TFEC: variants seen among roughly 807,000 people sequenced by gnomAD.
TFEC encodes the protein class E basic helix-loop-helix protein 34.
TFEC carries 31 observed loss-of-function variants against 41.6 expected under a neutral mutation model. The observed-to-expected ratio is 0.74, with a 90% CI of 0.56 to 1.01. The LOEUF (loss-of-function observed/expected upper bound fraction) is 1.01, where lower values mean the gene tolerates loss of function less well. TFEC is among the 50% of genes least tolerant of loss of function. The pLI is 0.00. For synonymous variants in TFEC, 143 were observed against 140.6 expected, an observed-to-expected ratio of 1.02 and a Z score of -0.12; for missense variants, 402 against 404.1, an observed-to-expected ratio of 0.99 and a Z score of 0.04.
intron 1 of TFEC, among the ~76,000 whole-genome samples, chr7:116,133,515 G>A (rs1398515130): frequency 6.6e-6 from 1 of 150,438 alleles, no homozygotes; most frequent in African/African-American, 2.5e-5. Context: ...CAGCCTGGGT[G>A]ACAGAACAAG....
At chr7:115,976,323 G>A (rs181399207) in intron 2 of TFEC, among the ~76,000 whole-genome samples, 49 of 152,240 alleles carry the variant, frequency 3.2e-4, no homozygotes, top group African/African-American at 1.1e-3. Context: ...TACTTGGGAG[G>A]CTGAGGTGGG....
At chr7:116,085,434 T>G (rs1024016459) in intron 3 of TFEC, among the ~76,000 whole-genome samples, 2 of 151,828 alleles carry the variant, frequency 1.3e-5, no homozygotes, top group African/African-American at 4.8e-5. Context: ...GAGAGTTCTT[T>G]GCACATACCC....
intron 1 of TFEC, among the ~76,000 whole-genome samples, chr7:116,012,826 GAAA>G (rs10568835): frequency 0.034 from 4,545 of 134,880 alleles, 216 homozygotes; most frequent in African/African-American, 0.11. Flanking sequence ...TTTATTTCTG[GAAA>G]AAAAAAAAAA....
chr7:115,948,364 C>G (rs543269551), intron 6 of TFEC, among the ~76,000 whole-genome samples: 3,428 of 152,032 alleles, frequency 0.023, 112 homozygotes, highest in African/African-American at 0.078. Flanking sequence ...CAGCATCATC[C>G]TGATACCAAA....
chr7:116,014,395 G>A (rs975867221), intron 1 of TFEC, among the ~76,000 whole-genome samples: 1 of 151,808 alleles, frequency 6.6e-6, no homozygotes, highest in African/African-American at 2.4e-5. Flanking sequence ...AGATAATGTA[G>A]CTTTGGAATA....
intron 3 of TFEC, among the ~76,000 whole-genome samples, chr7:115,959,348 T>C (rs1228418561): frequency 6.6e-6 from 1 of 151,752 alleles, no homozygotes; most frequent in East Asian, 1.9e-4. Flanking sequence ...AGAAACTGCT[T>C]TGAGGTGAGG....
chr7:116,005,566 G>C (rs1794756880), intron 1 of TFEC, among the ~76,000 whole-genome samples: 2 of 152,186 alleles, frequency 1.3e-5, no homozygotes, highest in Admixed American at 1.3e-4. Context: ...CATTCAAGAG[G>C]TGACTTGGGT....
At chr7:115,947,238 AG>A (rs541552515) in intron 6 of TFEC, among the ~76,000 whole-genome samples, 51 of 151,736 alleles carry the variant, frequency 3.4e-4, no homozygotes, top group African/African-American at 1.2e-3. Context: ...TGTCCTACAA[AG>A]GATGTGAACT....
chr7:116,083,011 T>C (rs973578269), intron 3 of TFEC, among the ~76,000 whole-genome samples: 12 of 152,082 alleles, frequency 7.9e-5, no homozygotes, highest in African/African-American at 2.9e-4. Context: ...AGATACGTTA[T>C]GCTTTTAATA....
chr7:116,096,409 T>C (rs1209240523), intron 3 of TFEC, among the ~76,000 whole-genome samples: 1 of 152,208 alleles, frequency 6.6e-6, no homozygotes, highest in Non-Finnish European at 1.5e-5. Flanking sequence ...ACTGTATTTC[T>C]CTCTCCAAAA....
chr7:115,943,958 AT>A (rs1340162064), intron 6 of TFEC, among the ~76,000 whole-genome samples: 1 of 147,668 alleles, frequency 6.8e-6, no homozygotes, highest in Non-Finnish European at 1.5e-5. Flanking sequence ...GCATTAAAAA[AT>A]AATTTTAAAA....
chr7:115,993,732 C>A (rs1794229560), intron 1 of TFEC, among the ~76,000 whole-genome samples: 1 of 152,128 alleles, frequency 6.6e-6, no homozygotes, highest in Admixed American at 6.6e-5. Context: ...GGAAGAATTC[C>A]ATGCTCGTGG....
chr7:116,035,347 A>G (rs1016064917), upstream of TFEC, among the ~76,000 whole-genome samples: 2 of 152,070 alleles, frequency 1.3e-5, no homozygotes, highest in East Asian at 1.9e-4. Context: ...AGTCCAGATC[A>G]TACGTGACCT....
rs898732174 is a variant in TFEC, at chr7:116,100,410, A to T, written c.198+10298T>A. ...TTAGGTCAAACAATCTAGTAAGCACATTAATATGAAAAACATCCCATTTTT... is the reference window on the plus strand; with the variant it reads ...TTAGGTCAAACAATCTAGTAAGCACTTTAATATGAAAAACATCCCATTTTT... On this transcript the variant is annotated intron_variant, in intron 3 of 8. Transcript: ENST00000484212. Among the ~76,000 whole-genome samples the T allele has an allele frequency of 2.6e-5, 4 of 152,210 alleles. No individual in the cohort carries two copies. The East Asian group carries it at 7.7e-4, about 29-fold the overall frequency.
chr7:115,974,588 T>C (rs1243372110), intron 2 of TFEC, among the ~76,000 whole-genome samples: 2 of 123,110 alleles, frequency 1.6e-5, no homozygotes, highest in Non-Finnish European at 3.3e-5. Context: ...TGGAAATCAG[T>C]ATCTACATAA....
chr7:116,063,506 C>T lies in TFEC; in HGVS notation c.198+47202G>A, dbSNP rs561327004. Among the ~76,000 whole-genome samples the T allele has an allele frequency of 3.3e-5, 5 of 152,236 alleles. No homozygotes were observed. The East Asian group carries it at 9.7e-4, about 29-fold the overall frequency. On this transcript the variant is annotated intron_variant, in intron 3 of 8. Transcript: ENST00000484212. Reference sequence around the variant, plus strand: ...TGGTGGCATGTGCCTGTAGTCCCAGCTACTCCGGAGGCTGAGGCAGGAGAA... The same window carrying T: ...TGGTGGCATGTGCCTGTAGTCCCAGTTACTCCGGAGGCTGAGGCAGGAGAA...
chr7:116,088,800 A>G lies in TFEC; in HGVS notation c.198+21908T>C, dbSNP rs182028638. On this transcript the variant is annotated intron_variant, in intron 3 of 8. Transcript: ENST00000484212. ...CTTAATATTATCATCTAAGTTATAT[A>G]TAATATACCCGCAGAGCACACACAT... 3.0e-3 allele frequency among the ~76,000 whole-genome samples: 460 copies of G among 152,162 alleles called. 10 individuals are homozygous for G. Among genetic ancestry groups the G allele is most frequent in the Non-Finnish European group, 3.8e-4 (26 of 67,968 alleles).
intron 3 of TFEC, among the ~76,000 whole-genome samples, chr7:116,051,267 G>A (rs1332466247): frequency 6.6e-6 from 1 of 152,152 alleles, no homozygotes; most frequent in African/African-American, 2.4e-5. Context: ...TGCACGTTGT[G>A]CACATGTACC....
intron 3 of TFEC, among the ~76,000 whole-genome samples, chr7:116,062,461 T>C (rs1445009130): frequency 2.7e-5 from 4 of 149,108 alleles, no homozygotes; most frequent in Non-Finnish European, 4.5e-5. Context: ...TGTTTGGTAT[T>C]CCATTCCTGA....
Sources: gnomAD v4.1 joint callset for allele counts (sites outside exome capture counted in the v4.1 genomes callset) on GRCh38, gnomAD v4.1.1 for gene constraint, MANE v1.5 for transcripts, NCBI Gene and HGNC (gene_info 2026-07-23, HGNC 2026-07-21) for gene names.